The following ZC3H3 variants were observed in gnomAD, a reference collection of about 807,000 sequenced individuals.
ZC3H3 encodes the protein zinc finger CCCH-type containing 3.
In ZC3H3, 36 loss-of-function variants were observed where a neutral mutation model predicts 77.3. That is an observed-to-expected ratio of 0.47 (90% confidence interval 0.36 to 0.61). The LOEUF is 0.61. Ranked by LOEUF, ZC3H3 falls within the 20% of genes least tolerant of loss-of-function variation. The pLI is 0.00. For missense variants in ZC3H3, 1,331 were observed against 1,312.2 expected (o/e 1.01, Z -0.22); for synonymous variants, 626 against 555.2 (o/e 1.13, Z -1.79).
rs192456395 is a variant in ZC3H3 at position 143,520,706 on chromosome 8, G to A, written c.1562-12807C>T. 1.9e-3 allele frequency among the ~76,000 whole-genome samples: 293 copies of A among 152,270 alleles called. 1 individual carries two copies. Among genetic ancestry groups the A allele is most frequent in the Admixed American group, 5.0e-3 (76 of 15,294 alleles). ...TCCACGTTTTGTGAGCGTCCACCTC[G>A]AGACACCCCAGATCCCAGCTGGCCA... is the stretch of plus-strand genomic sequence containing the variant. On this transcript the variant is annotated intron_variant, in intron 3 of 11. Transcript: ENST00000262577.
Position 143,481,725 on chromosome 8 carries a change from T to C in ZC3H3, c.1716-6140A>G, listed in dbSNP as rs573544931. On this transcript the variant is annotated intron_variant, in intron 4 of 11. Coordinates refer to ENST00000262577, the MANE Select transcript of ZC3H3 (RefSeq NM_015117.3). ...GGCTGCTGCCAATCCAGCTCCAGTC[T>C]TGTCTTTTAAACACACTCCAGCACT... is the stretch of plus-strand genomic sequence containing the variant. Among the ~76,000 whole-genome samples, 26 of 152,364 alleles carry C rather than the reference T, an allele frequency of 1.7e-4. No individual in the cohort carries two copies. In the East Asian group the frequency reaches 5.0e-3, roughly 29 times the overall value.
At position 143,518,014 on chromosome 8, in the gene ZC3H3, G is replaced by C. The variant is rs568968992; in HGVS notation, c.1562-10115C>G. On this transcript the variant is annotated intron_variant, in intron 3 of 11. Coordinates refer to ENST00000262577, the MANE Select transcript of ZC3H3 (RefSeq NM_015117.3). ...CCTGGCCACCACGTCTCAGGGTACAGGACCTAGAGGCGGCCACTCAGCACA... is the reference window on the plus strand; with the variant it reads ...CCTGGCCACCACGTCTCAGGGTACACGACCTAGAGGCGGCCACTCAGCACA... 7.2e-5 allele frequency among the ~76,000 whole-genome samples: 11 copies of C among 152,180 alleles called. No individual in the cohort carries two copies. The South Asian group carries it at 2.1e-3, about 29-fold the overall frequency.
chr8:143,491,352 G>A (rs548251422), intron 4 of ZC3H3, among the ~76,000 whole-genome samples: 1 of 152,372 alleles, frequency 6.6e-6, no homozygotes, highest in Admixed American at 6.5e-5. Context: ...GAACCACGCT[G>A]TGGCCTGCGG....
At chr8:143,505,924 C>T (rs1237000519) in intron 4 of ZC3H3, among the ~76,000 whole-genome samples, 3 of 152,240 alleles carry the variant, frequency 2.0e-5, no homozygotes, top group African/African-American at 7.2e-5. Context: ...GTCACGGCCG[C>T]TCCCTGCAGG....
chr8:143,479,608 TTTGTAA>T (rs1482527302), intron 4 of ZC3H3, among the ~76,000 whole-genome samples: 11 of 152,226 alleles, frequency 7.2e-5, no homozygotes, highest in Non-Finnish European at 1.3e-4. Flanking sequence ...CTTTCTCGCC[TTTGTAA>T]TGGGAGGCAT....
chr8:143,473,698 T>C (rs928823716), intron 5 of ZC3H3, among the ~76,000 whole-genome samples: 1 of 152,182 alleles, frequency 6.6e-6, no homozygotes, highest in Non-Finnish European at 1.5e-5. Context: ...CCACCCGGCA[T>C]GAGCAGAGAG....
chr8:143,465,967 G>A, intron 8 of ZC3H3, 119 bp from the exon 9 acceptor site: 1 of 1,361,418 alleles, frequency 7.3e-7, no homozygotes, highest in Non-Finnish European at 9.8e-7. Context: ...GGCACCAGCA[G>A]GCAGGAAGGG....
chr8:143,523,931 G>T (rs1192613189), intron 3 of ZC3H3, among the ~76,000 whole-genome samples: 2 of 152,228 alleles, frequency 1.3e-5, no homozygotes, highest in Admixed American at 6.5e-5. Context: ...GCCCCACAGG[G>T]CCATGTCTGA....
chr8:143,489,442 C>T (rs887784178), intron 4 of ZC3H3, among the ~76,000 whole-genome samples: 2 of 152,312 alleles, frequency 1.3e-5, no homozygotes, highest in Middle Eastern at 3.4e-3. Context: ...CCTCCCACCG[C>T]GGCTGGGCCA....
rs533113279 is a variant in ZC3H3 at position 143,519,569 on chromosome 8, G to A, written c.1562-11670C>T. Reference sequence around the variant, plus strand: ...GCCCGGAGGCAAGCCCCAAGCGGCAGGCAGGATCTGACCAGTGTTCACGTG... The same window carrying A: ...GCCCGGAGGCAAGCCCCAAGCGGCAAGCAGGATCTGACCAGTGTTCACGTG... On this transcript the variant is annotated intron_variant, in intron 3 of 11. Coordinates refer to ENST00000262577, the MANE Select transcript of ZC3H3 (RefSeq NM_015117.3). 2.6e-5 allele frequency among the ~76,000 whole-genome samples: 4 copies of A among 152,222 alleles called. No homozygotes were observed. The East Asian group carries it at 7.7e-4, about 29-fold the overall frequency.
rs989390912 is a variant in ZC3H3 at position 143,440,041 on chromosome 8, C to G, written c.2815G>C (p.Gly939Arg). ...GCCCGAGCCAGGCCGTGCTGCCTACCTGAGTCCTTGGTGAGGGGGGCCCTA... is the reference window on the plus strand; with the variant it reads ...GCCCGAGCCAGGCCGTGCTGCCTACGTGAGTCCTTGGTGAGGGGGGCCCTA... ...APRAPLTKDS[G>R]KPLHIKPRL Residue 939 changes from glycine to arginine, a missense_variant and splice_region_variant, in exon 11 of 12, where the codon GGG (glycine) becomes CGG (arginine). By Grantham distance (125) the Gly-to-Arg change is moderately radical. Coordinates refer to ENST00000262577, the MANE Select transcript of ZC3H3 (RefSeq NM_015117.3). The G allele has an allele frequency of 1.9e-6, 3 of 1,540,450 alleles. No homozygotes were observed. The African/African-American group carries it at 4.1e-5, about 21-fold the overall frequency.
At chr8:143,534,512 G>A (rs1341389680) in intron 3 of ZC3H3, among the ~76,000 whole-genome samples, 1 of 152,100 alleles carries the variant, frequency 6.6e-6, no homozygotes, top group Non-Finnish European at 1.5e-5. Flanking sequence ...TGAAGAGGGA[G>A]CAGGCCAGGT....
intron 9 of ZC3H3, among the ~76,000 whole-genome samples, chr8:143,450,607 G>A (rs1819963404): frequency 6.6e-6 from 1 of 152,228 alleles, no homozygotes; most frequent in African/African-American, 2.4e-5. Flanking sequence ...GAAGGCAAAG[G>A]GGAGGCGAGG....
chr8:143,441,043 C>A lies in ZC3H3; in HGVS notation c.2385G>T (p.Leu795=). 1 of 1,487,410 alleles carries A rather than the reference C, an allele frequency of 6.7e-7. No homozygotes were observed. Among genetic ancestry groups the A allele is most frequent in the Non-Finnish European group, 8.9e-7 (1 of 1,128,880 alleles). The allele number at this position is 1,487,410 out of a possible 1,614,324, so 92.1% of individuals were successfully genotyped here. ...TGTGGCGTTTCTGGGTACGGTGGAG[C>A]AGCTGGCACTGGGCGCCGCGGGGAC... is the stretch of plus-strand genomic sequence containing the variant. ...GACPRGAQCQ[L]LHRTQKRHSR... Residue 795 remains leucine (L), a synonymous_variant, in exon 10 of 12, where the codon CTG becomes CTT. Coordinates refer to ENST00000262577, the MANE Select transcript of ZC3H3 (RefSeq NM_015117.3).
chr8:143,462,451 G>A lies in ZC3H3; in HGVS notation c.2307+3266C>T, dbSNP rs984648468. 3.3e-5 allele frequency among the ~76,000 whole-genome samples: 5 copies of A among 152,222 alleles called. No individual in the cohort carries two copies. The East Asian group carries it at 9.6e-4, about 29-fold the overall frequency. On this transcript the variant is annotated intron_variant, in intron 9 of 11. Transcript: ENST00000262577. The surrounding 1 kb of genome is among the most constrained non-coding windows in gnomAD (Gnocchi z 4.7). ...TTCGGCCTAACAAAGGGCAGCACTGGCGAAAGCAAGGCACCAACAGAGAAG... is the reference window on the plus strand; with the variant it reads ...TTCGGCCTAACAAAGGGCAGCACTGACGAAAGCAAGGCACCAACAGAGAAG...
rs760997615 is a variant in ZC3H3, at chr8:143,468,225, T to C, written c.2159A>G (p.His720Arg). ...CGCACTCACCTTCTCCTTGGACACATGGTGGGAGAAGGGGCAGGTCCCATC... is the reference window on the plus strand; with the variant it reads ...CGCACTCACCTTCTCCTTGGACACACGGTGGGAGAAGGGGCAGGTCCCATC... ...KTDGTCPFSH[H>R]VSKEKMPVCS... Residue 720 changes from histidine (H) to arginine (R), a missense_variant, in exon 8 of 12, where the codon CAT becomes CGT. Transcript: ENST00000262577. The C allele has an allele frequency of 4.3e-6, 7 of 1,612,790 alleles. No individual in the cohort carries two copies. The highest frequency in any genetic ancestry group is 2.2e-5 in the South Asian group (2 of 91,064).
At chr8:143,453,771 T>C (rs1188923321) in intron 9 of ZC3H3, among the ~76,000 whole-genome samples, 1 of 152,246 alleles carries the variant, frequency 6.6e-6, no homozygotes. Context: ...ATAAAAATTA[T>C]AACTGTGTCT....
rs536450111 is a variant in ZC3H3 at position 143,531,161 on chromosome 8, C to T, written c.1561+5096G>A. Reference sequence around the variant, plus strand: ...TTTTTGTAGAGATGGGGTTTTGCCACGTTGCCCAGGCTGGTCTTGACCTCC... The same window carrying T: ...TTTTTGTAGAGATGGGGTTTTGCCATGTTGCCCAGGCTGGTCTTGACCTCC... On this transcript the variant is annotated intron_variant, in intron 3 of 11. Transcript: ENST00000262577. Among the ~76,000 whole-genome samples, 13 of 152,048 alleles carry T rather than the reference C, an allele frequency of 8.5e-5. No homozygotes were observed. The East Asian group carries it at 9.6e-4, about 11-fold the overall frequency.
At chr8:143,455,008 T>A (rs1382375537) in intron 9 of ZC3H3, among the ~76,000 whole-genome samples, 1 of 151,758 alleles carries the variant, frequency 6.6e-6, no homozygotes, top group Non-Finnish European at 1.5e-5. Context: ...AAGGTCAAAG[T>A]TCTCAACTTC....
Sources: gnomAD v4.1 joint callset for allele counts (sites outside exome capture counted in the v4.1 genomes callset) on GRCh38, gnomAD v4.1.1 for gene constraint, Gnocchi (gnomAD v3.1) non-coding constraint, MANE v1.5 for transcripts, NCBI Gene and HGNC (gene_info 2026-07-23, HGNC 2026-07-21) for gene names.